LAMA4: variants seen among roughly 807,000 people sequenced by gnomAD.
LAMA4 encodes laminin subunit alpha 4.
A neutral mutation model predicts 207.1 loss-of-function variants in LAMA4; 127 were observed. The observed-to-expected ratio is 0.61, with a 90% confidence interval of 0.53 to 0.71. The LOEUF (loss-of-function observed/expected upper bound fraction) is 0.71. Ranked by LOEUF, LAMA4 falls within the 30% of genes least tolerant of loss-of-function variation. LAMA4 has a pLI of 0.00. For missense variants in LAMA4, 2,093 were observed against 2,246.5 expected (o/e 0.93, Z 1.38); for synonymous variants, 761 against 816.0 (o/e 0.93, Z 1.15).
intron 2 of LAMA4, chr6:112,218,188 G>A (rs1337697719): frequency 2.0e-5 from 3 of 152,028 alleles, no homozygotes; most frequent in Non-Finnish European, 4.4e-5. Context: ...GAGTAGTGAC[G>A]GTCTTAATAT....
At chr6:112,143,288 T>C (rs1473149802) in intron 19 of LAMA4, among the ~76,000 whole-genome samples, 1 of 147,976 alleles carries the variant, frequency 6.8e-6, no homozygotes, top group Non-Finnish European at 1.5e-5. Flanking sequence ...CTAATACTTT[T>C]TTTTTTTTTT....
chr6:112,129,190 GTGTGTGTGTGTGTA>G, intron 30 of LAMA4, 115 bp from the exon 31 acceptor site: 1 of 630,674 alleles, frequency 1.6e-6, no homozygotes, highest in Non-Finnish European at 2.7e-6. Context: ...GTGTGTGCAT[GTGTGTGTGTGTGTA>G]TGTGTGATGG....
At chr6:112,112,919 A>C (rs2114546423) in intron 38 of LAMA4, among the ~76,000 whole-genome samples, 1 of 152,320 alleles carries the variant, frequency 6.6e-6, no homozygotes, top group South Asian at 2.1e-4. Flanking sequence ...AAGCACAGAA[A>C]GACAAATATC....
chr6:112,149,906 C>T (rs149014769), intron 17 of LAMA4, among the ~76,000 whole-genome samples: 25 of 152,256 alleles, frequency 1.6e-4, no homozygotes, highest in Non-Finnish European at 2.6e-4. Flanking sequence ...ACTTTCACTG[C>T]GCGAAGGAAG....
intron 10 of LAMA4, among the ~76,000 whole-genome samples, chr6:112,177,660 T>C (rs542117763): frequency 1.3e-5 from 2 of 152,110 alleles, no homozygotes; most frequent in Admixed American, 6.5e-5. Context: ...TTCTTCTGGG[T>C]TGGGGCCCAA....
rs73538515 is a variant in LAMA4, at chr6:112,175,488, G to C, written c.1190-8C>G. ...GCATCTTGTTGTTGATCTCTGAAAG[G>C]AAGAACATGGTGAAACAAGGCAGCA... On this transcript the variant is annotated splice_region_variant and splice_polypyrimidine_tract_variant and intron_variant, in intron 10 of 38. Transcript: ENST00000230538. 6.0e-3 allele frequency: 9,695 copies of C among 1,613,990 alleles called. 461 individuals are homozygous for C. In the African/African-American group the frequency reaches 0.11, roughly 18 times the overall value.
At position 112,241,248 on chromosome 6, in the gene LAMA4, T is replaced by C. The variant is rs1786489257; in HGVS notation, c.195+12708A>G. On this transcript the variant is annotated intron_variant, in intron 2 of 38. Coordinates refer to ENST00000230538, the MANE Select transcript of LAMA4 (RefSeq NM_001105206.3). Reference sequence around the variant, plus strand: ...TGATATATATATGAATGTGTATATATATACACATTCAGAAATCTCAACGAC... The same window carrying C: ...TGATATATATATGAATGTGTATATACATACACATTCAGAAATCTCAACGAC... 2.8e-5 allele frequency among the ~76,000 whole-genome samples: 4 copies of C among 143,142 alleles called. No homozygotes were observed. The South Asian group carries it at 9.0e-4, about 32-fold the overall frequency. 93.9% of individuals were successfully genotyped at this position (143,142 alleles called of 152,430 possible). A position where few individuals can be genotyped will look rare whatever the true frequency, so the allele number is the denominator to read the frequency against.
intron 9 of LAMA4, chr6:112,179,515 C>T (rs1290845194): frequency 1.3e-5 from 2 of 152,200 alleles, no homozygotes; most frequent in East Asian, 3.9e-4. Flanking sequence ...TGCTACAATA[C>T]GTGAAGGAGC....
chr6:112,207,436 G>T (rs1024977328), intron 3 of LAMA4, among the ~76,000 whole-genome samples: 1 of 152,106 alleles, frequency 6.6e-6, no homozygotes, highest in Non-Finnish European at 1.5e-5. Context: ...ACTTATTTCA[G>T]TTCAGAGTGA....
At chr6:112,178,277 G>C (rs782258763) in intron 9 of LAMA4, 45 bp from the exon 10 acceptor site, 1 of 1,400,440 alleles carries the variant, frequency 7.1e-7, no homozygotes, top group South Asian at 1.2e-5. Flanking sequence ...TATGAGAAAA[G>C]AATGTTGTAT....
At chr6:112,152,717 G>A (rs1265449294) in intron 16 of LAMA4, among the ~76,000 whole-genome samples, 1 of 151,970 alleles carries the variant, frequency 6.6e-6, no homozygotes, top group Non-Finnish European at 1.5e-5. Context: ...TTCCCCCCCA[G>A]ATATGTGTAT....
At chr6:112,237,412 G>A (rs1488815544) in intron 2 of LAMA4, among the ~76,000 whole-genome samples, 1 of 152,152 alleles carries the variant, frequency 6.6e-6, no homozygotes, top group African/African-American at 2.4e-5. Context: ...TATCAGCTTG[G>A]GAGGCCCCAG....
chr6:112,174,070 A>G (rs950850353), intron 11 of LAMA4, among the ~76,000 whole-genome samples: 2 of 152,252 alleles, frequency 1.3e-5, no homozygotes, highest in African/African-American at 4.8e-5. Context: ...CAGCTAAAAT[A>G]TAATATGCAA....
At chr6:112,253,448 A>T (rs1478850568) in intron 2 of LAMA4, 2 of 358,462 alleles carry the variant, frequency 5.6e-6, no homozygotes, top group East Asian at 1.4e-4. Context: ...CAGTTGTCTA[A>T]CAGCTCCTTT....
chr6:112,237,483 C>T (rs1388162087), intron 2 of LAMA4, among the ~76,000 whole-genome samples: 2 of 152,128 alleles, frequency 1.3e-5, no homozygotes, highest in African/African-American at 2.4e-5. Context: ...AGTAAAATTT[C>T]ATGTGAAATT....
At chr6:112,160,464 A>G in intron 13 of LAMA4, among the ~76,000 whole-genome samples, 1 of 150,858 alleles carries the variant, frequency 6.6e-6, no homozygotes, top group African/African-American at 2.5e-5. Context: ...ACAAACAAAC[A>G]AAAAACCTTA....
chr6:112,125,031 A>G (rs1778606126), intron 31 of LAMA4, among the ~76,000 whole-genome samples: 1 of 152,176 alleles, frequency 6.6e-6, no homozygotes, highest in Non-Finnish European at 1.5e-5. Flanking sequence ...CTGGGATTAC[A>G]GGCGTGAGCC....
Position 112,254,246 on chromosome 6 carries a change from C to T in LAMA4, c.-96G>A, listed in dbSNP as rs1423139771. On this transcript the variant is annotated 5_prime_UTR_variant, in exon 2 of 39. Transcript: ENST00000230538. Reference sequence around the variant, plus strand: ...GTGCGGCGGTGCCTCGCTTATTTTCCCTCCTCTCCGTGTGCAGTATCCCGA... The same window carrying T: ...GTGCGGCGGTGCCTCGCTTATTTTCTCTCCTCTCCGTGTGCAGTATCCCGA... The T allele has an allele frequency of 3.5e-5, 53 of 1,507,672 alleles. No individual in the cohort carries two copies. Among genetic ancestry groups the T allele is most frequent in the Non-Finnish European group, 4.7e-5 (51 of 1,096,286 alleles). 93.4% of individuals were successfully genotyped at this position (1,507,672 alleles called of 1,614,324 possible).
chr6:112,215,106 A>G (rs1472152765), intron 3 of LAMA4, among the ~76,000 whole-genome samples: 1 of 152,178 alleles, frequency 6.6e-6, no homozygotes, highest in East Asian at 1.9e-4. Flanking sequence ...TTTCCCCCCA[A>G]ATGTCACTGG....
Sources: allele counts gnomAD v4.1 joint callset (sites outside exome capture counted in the v4.1 genomes callset), GRCh38; gene constraint gnomAD v4.1.1; transcripts MANE v1.5; gene names NCBI Gene and HGNC (gene_info 2026-07-23, HGNC 2026-07-21).